The following CTNNA3 variants were observed in gnomAD, a reference collection of about 807,000 sequenced individuals.
The protein encoded by CTNNA3 is catenin alpha-3.
In CTNNA3, 76 loss-of-function variants were observed where a neutral mutation model predicts 95.7. The ratio of observed to expected loss-of-function variants is 0.79; its 90% CI spans 0.66 to 0.96. CTNNA3 has a LOEUF of 0.96. Ranked by LOEUF, CTNNA3 falls within the 40% of genes least tolerant of loss-of-function variation. The pLI, the probability that CTNNA3 is intolerant of heterozygous loss-of-function variation, is 0.00. For missense variants in CTNNA3, 1,191 were observed against 1,089.8 expected (o/e 1.09, Z -1.31); for synonymous variants, 431 against 374.4 (o/e 1.15, Z -1.74).
At chr10:67,020,472 T>C (rs1006258279) in intron 7 of CTNNA3, among the ~76,000 whole-genome samples, 2 of 152,216 alleles carry the variant, frequency 1.3e-5, no homozygotes, top group African/African-American at 4.8e-5. Flanking sequence ...GATTCATCTC[T>C]GTTCACTTAC....
intron 13 of CTNNA3, among the ~76,000 whole-genome samples, chr10:66,125,447 T>C (rs972191712): frequency 6.6e-6 from 1 of 152,162 alleles, no homozygotes; most frequent in Non-Finnish European, 1.5e-5. Context: ...AGTACTCAGT[T>C]TTTTAAGAAA....
chr10:66,683,988 T>C (rs746766285), intron 9 of CTNNA3, among the ~76,000 whole-genome samples: 38 of 152,212 alleles, frequency 2.5e-4, no homozygotes, highest in African/African-American at 8.7e-4. Context: ...GATGGGATTT[T>C]GGTCAATGGT....
chr10:67,396,482 C>T (rs1325444184), intron 5 of CTNNA3, among the ~76,000 whole-genome samples: 2 of 152,166 alleles, frequency 1.3e-5, no homozygotes, highest in East Asian at 3.9e-4. Context: ...CACTGAATAA[C>T]ATGGGAGTTA....
At chr10:67,193,720 T>G (rs1036473707) in intron 6 of CTNNA3, among the ~76,000 whole-genome samples, 2 of 152,138 alleles carry the variant, frequency 1.3e-5, no homozygotes, top group East Asian at 3.8e-4. Flanking sequence ...TGTATGAGAT[T>G]TTCTTTATCC....
At chr10:67,505,358 T>A (rs1345009140) in intron 5 of CTNNA3, among the ~76,000 whole-genome samples, 1 of 152,332 alleles carries the variant, frequency 6.6e-6, no homozygotes, top group Admixed American at 6.5e-5. Flanking sequence ...AAAATTCAGT[T>A]ACCTTTAATT....
At chr10:67,069,048 GA>G (rs112057789) in intron 7 of CTNNA3, among the ~76,000 whole-genome samples, 22,700 of 128,770 alleles carry the variant, frequency 0.18, 2,131 homozygotes, top group African/African-American at 0.3. Flanking sequence ...AGCAAGACAG[GA>G]AAAAAAATAT....
chr10:67,004,088 G>GT (rs1158442293), intron 7 of CTNNA3, among the ~76,000 whole-genome samples: 2 of 150,802 alleles, frequency 1.3e-5, no homozygotes, highest in Non-Finnish European at 3.0e-5. Context: ...GCATTTTGAT[G>GT]TTAAAAAAAA....
intron 13 of CTNNA3, among the ~76,000 whole-genome samples, chr10:66,199,803 AT>A (rs2087259776): frequency 9.5e-5 from 1 of 10,574 alleles, no homozygotes; most frequent in African/African-American, 4.9e-4. Context: ...ATATATATAT[AT>A]ATTTTTTTTT....
chr10:66,140,336 A>C (rs1369461021), intron 13 of CTNNA3, among the ~76,000 whole-genome samples: 1 of 152,164 alleles, frequency 6.6e-6, no homozygotes, highest in African/African-American at 2.4e-5. Flanking sequence ...TACCAATGTA[A>C]TCGTATCTGG....
intron 1 of CTNNA3, among the ~76,000 whole-genome samples, chr10:67,683,476 G>C (rs1840665742): frequency 1.3e-5 from 2 of 152,184 alleles, no homozygotes; most frequent in Non-Finnish European, 2.9e-5. Flanking sequence ...CAGCAATCCT[G>C]CCTCTCAGTT....
intron 7 of CTNNA3, among the ~76,000 whole-genome samples, chr10:67,060,197 A>C (rs1463706744): frequency 6.6e-6 from 1 of 152,158 alleles, no homozygotes; most frequent in Non-Finnish European, 1.5e-5. Flanking sequence ...ATGCGCCTGT[A>C]GTCTCAGCTA....
At chr10:66,358,487 C>A (rs1264822031) in intron 12 of CTNNA3, among the ~76,000 whole-genome samples, 1 of 152,134 alleles carries the variant, frequency 6.6e-6, no homozygotes, top group Admixed American at 6.5e-5. Context: ...TTGTAGTTGA[C>A]ATCAGTGGAA....
intron 7 of CTNNA3, among the ~76,000 whole-genome samples, chr10:66,873,427 T>C (rs981817993): frequency 1.3e-5 from 2 of 152,088 alleles, no homozygotes; most frequent in African/African-American, 4.8e-5. Flanking sequence ...TGTGAGATGG[T>C]GTCTCATTGT....
At chr10:66,061,659 T>A (rs1285173912) in intron 15 of CTNNA3, among the ~76,000 whole-genome samples, 1 of 152,052 alleles carries the variant, frequency 6.6e-6, no homozygotes, top group Non-Finnish European at 1.5e-5. Flanking sequence ...TTCTTTTTCA[T>A]ATTTTTTTTC....
At chr10:66,143,867 A>G (rs1047172624) in intron 13 of CTNNA3, among the ~76,000 whole-genome samples, 1 of 152,224 alleles carries the variant, frequency 6.6e-6, no homozygotes, top group Admixed American at 6.5e-5. Flanking sequence ...TTAAAACTTT[A>G]AACCATATGA....
At chr10:67,126,974 G>C (rs1859749807) in intron 7 of CTNNA3, among the ~76,000 whole-genome samples, 1 of 152,290 alleles carries the variant, frequency 6.6e-6, no homozygotes, top group Non-Finnish European at 1.5e-5. Context: ...CTCTCTAACA[G>C]AATTCTTCAC....
At chr10:66,159,628 T>A (rs1772260989) in intron 13 of CTNNA3, among the ~76,000 whole-genome samples, 1 of 138,002 alleles carries the variant, frequency 7.2e-6, no homozygotes, top group South Asian at 2.1e-4. Context: ...TGTTTTCTGT[T>A]TTTTTTTTTT....
At chr10:67,524,601 A>G (rs957770857) in intron 4 of CTNNA3, among the ~76,000 whole-genome samples, 3 of 152,148 alleles carry the variant, frequency 2.0e-5, no homozygotes, top group African/African-American at 7.2e-5. Flanking sequence ...TATATCCTCC[A>G]TTTATTGATA....
intron 6 of CTNNA3, among the ~76,000 whole-genome samples, chr10:67,217,004 T>TTTTC (rs1864399297): frequency 6.6e-6 from 1 of 152,168 alleles, no homozygotes; most frequent in Admixed American, 6.6e-5. Flanking sequence ...TCAACTTCTA[T>TTTTC]TTTCTCCACT....
Sources: allele counts gnomAD v4.1 joint callset (sites outside exome capture counted in the v4.1 genomes callset), GRCh38; gene constraint gnomAD v4.1.1; transcripts MANE v1.5; gene names NCBI Gene and HGNC (gene_info 2026-07-23, HGNC 2026-07-21).